The following MSI2 variants were observed in gnomAD, a reference collection of about 807,000 sequenced individuals.
The protein encoded by MSI2 is musashi RNA binding protein 2.
Under a neutral mutation model 45.6 loss-of-function variants are expected in MSI2, and 17 were observed. The ratio of observed to expected loss-of-function variants is 0.37; its 90% CI spans 0.26 to 0.56. The LOEUF is 0.56. Among genes scored for constraint, MSI2 ranks in the 20% least tolerant of loss-of-function variants. MSI2 has a pLI of 0.77. For missense variants in MSI2, 293 were observed against 444.2 expected, an observed-to-expected ratio of 0.66 and a Z score of 3.06; for synonymous variants, 156 against 158.2, an observed-to-expected ratio of 0.99 and a Z score of 0.11.
Position 57,563,065 on chromosome 17 carries a change from G to A in MSI2, c.454+33341G>A, listed in dbSNP as rs187535123. Reference sequence around the variant, plus strand: ...GTGAGCAGAGATCGCACCACTGCACGCCAGCCTGGGTGACAGAGCAAAACT... The same window carrying A: ...GTGAGCAGAGATCGCACCACTGCACACCAGCCTGGGTGACAGAGCAAAACT... On this transcript the variant is annotated intron_variant, in intron 7 of 13. Transcript: ENST00000284073. 1.2e-4 allele frequency among the ~76,000 whole-genome samples: 15 copies of A among 125,784 alleles called. No individual in the cohort carries two copies. In the East Asian group the frequency reaches 1.7e-3, roughly 15 times the overall value. The allele number at this position is 125,784 out of a possible 152,430, so 82.5% of individuals were successfully genotyped here. A position where few individuals can be genotyped will look rare whatever the true frequency, so the allele number is the denominator to read the frequency against.
chr17:57,577,170 C>G (rs78664861), intron 7 of MSI2, among the ~76,000 whole-genome samples: 1 of 152,206 alleles, frequency 6.6e-6, no homozygotes, highest in Non-Finnish European at 1.5e-5. Context: ...GGCCAGGCTG[C>G]TTCCCCAACC....
Position 57,257,142 on chromosome 17 carries a change from AG to A in MSI2, c.103+7del. 2 of 520,768 alleles carry A rather than the reference AG, an allele frequency of 3.8e-6. No homozygotes were observed. Among genetic ancestry groups the A allele is most frequent in the Non-Finnish European group, 7.5e-6 (2 of 265,540 alleles). 32.3% of individuals were successfully genotyped at this position (520,768 alleles called of 1,614,324 possible). On this transcript the variant is annotated splice_donor_5th_base_variant and intron_variant, in intron 2 of 13. Coordinates refer to ENST00000284073, the MANE Select transcript of MSI2 (RefSeq NM_138962.4). ...CTGAGCTGGCAGACCTCACCAGGTA[AG>A]GGAGGGAGGGGGGGACGCCTGGGTC... is the stretch of plus-strand genomic sequence containing the variant.
intron 5 of MSI2, among the ~76,000 whole-genome samples, chr17:57,392,031 G>A (rs1194143746): frequency 2.0e-5 from 3 of 152,222 alleles, no homozygotes; most frequent in Non-Finnish European, 1.5e-5. Flanking sequence ...GAGTGATGGA[G>A]AAACCGCCTG....
chr17:57,545,541 GT>G (rs150208350), intron 7 of MSI2, among the ~76,000 whole-genome samples: 11,518 of 152,220 alleles, frequency 0.076, 1,097 homozygotes, highest in African/African-American at 0.23. Flanking sequence ...CTGTGTGTGT[GT>G]TTTGTCTAGA....
intron 5 of MSI2, among the ~76,000 whole-genome samples, chr17:57,311,715 C>T (rs1015458765): frequency 1.3e-5 from 2 of 152,074 alleles, no homozygotes; most frequent in Non-Finnish European, 2.9e-5. Context: ...CTGCTATGCC[C>T]GGTAATTTTT....
At chr17:57,486,740 T>G (rs950102668) in intron 6 of MSI2, among the ~76,000 whole-genome samples, 6 of 152,128 alleles carry the variant, frequency 3.9e-5, no homozygotes, top group Admixed American at 3.3e-4. Context: ...GGAAGGAGAA[T>G]CAGTTTGAAA....
At chr17:57,687,612 A>C (rs1021650702), downstream of MSI2, among the ~76,000 whole-genome samples, 1 of 152,106 alleles carries the variant, frequency 6.6e-6, no homozygotes, top group Non-Finnish European at 1.5e-5. Flanking sequence ...ATAAAGATAT[A>C]ATACTGAAAA....
At chr17:57,297,221 G>A (rs1373034168) in intron 5 of MSI2, among the ~76,000 whole-genome samples, 1 of 142,618 alleles carries the variant, frequency 7.0e-6, no homozygotes, top group Non-Finnish European at 1.5e-5. Context: ...TTGTAATATT[G>A]CTTTTGGCTT....
intron 10 of MSI2, among the ~76,000 whole-genome samples, chr17:57,638,459 G>A (rs1910000769): frequency 1.3e-5 from 2 of 152,264 alleles, no homozygotes; most frequent in Admixed American, 6.5e-5. Flanking sequence ...GCGGCCAGAT[G>A]TGTTCCTGAG....
intron 6 of MSI2, among the ~76,000 whole-genome samples, chr17:57,472,510 A>AG (rs11394332): frequency 0.78 from 117,997 of 151,940 alleles, 46,270 homozygotes; most frequent in East Asian, 0.91. Context: ...ATGGGAAGGG[A>AG]GGGGGCCAGT....
rs1419340906 is a variant in MSI2 at position 57,622,389 on chromosome 17, G to A, written c.653-4840G>A. Among the ~76,000 whole-genome samples, 5 of 152,180 alleles carry A rather than the reference G, an allele frequency of 3.3e-5. No individual in the cohort carries two copies. In the East Asian group the frequency reaches 9.6e-4, roughly 29 times the overall value. ...TATTTTATTTCTCTGAGCCTTCTCT[G>A]CCACATAATCCCACTGCCTTTAACT... On this transcript the variant is annotated intron_variant, in intron 9 of 13. Coordinates refer to ENST00000284073, the MANE Select transcript of MSI2 (RefSeq NM_138962.4).
chr17:57,583,200 G>A (rs1350357538), intron 7 of MSI2, among the ~76,000 whole-genome samples: 2 of 152,190 alleles, frequency 1.3e-5, no homozygotes, highest in Non-Finnish European at 2.9e-5. Flanking sequence ...GTAAGGGTTG[G>A]TTTTCTTAAA....
At chr17:57,687,565 G>A (rs997530644), downstream of MSI2, among the ~76,000 whole-genome samples, 2 of 151,892 alleles carry the variant, frequency 1.3e-5, no homozygotes, top group African/African-American at 4.8e-5. Context: ...GGAAAACCAG[G>A]ATAAACTTAA....
At chr17:57,545,972 G>T (rs959101440) in intron 7 of MSI2, among the ~76,000 whole-genome samples, 8 of 152,088 alleles carry the variant, frequency 5.3e-5, no homozygotes, top group Non-Finnish European at 8.8e-5. Flanking sequence ...GGAGGGTGAG[G>T]CAGCAGAGGG....
At chr17:57,337,817 AAATG>A (rs1914798307) in intron 5 of MSI2, among the ~76,000 whole-genome samples, 1 of 152,226 alleles carries the variant, frequency 6.6e-6, no homozygotes, top group South Asian at 2.1e-4. Context: ...AAGTGCAAAT[AAATG>A]AATGTTTTGG....
chr17:57,485,907 G>A (rs2085744152), intron 6 of MSI2, among the ~76,000 whole-genome samples: 1 of 152,134 alleles, frequency 6.6e-6, no homozygotes, highest in Non-Finnish European at 1.5e-5. Context: ...CCTGTGTTCT[G>A]AGCCCACTCC....
At chr17:57,610,375 C>G (rs558582449) in intron 8 of MSI2, among the ~76,000 whole-genome samples, 2 of 152,198 alleles carry the variant, frequency 1.3e-5, no homozygotes, top group South Asian at 4.2e-4. Flanking sequence ...TCACTTGAAC[C>G]CGGGAGGCGG....
At chr17:57,297,029 C>A (rs1187610419) in intron 5 of MSI2, among the ~76,000 whole-genome samples, 1 of 152,104 alleles carries the variant, frequency 6.6e-6, no homozygotes, top group Non-Finnish European at 1.5e-5. Flanking sequence ...CCCGCGCCAC[C>A]ACACCTGGCT....
At chr17:57,473,334 G>GT (rs1241860886) in intron 6 of MSI2, among the ~76,000 whole-genome samples, 1 of 152,134 alleles carries the variant, frequency 6.6e-6, no homozygotes, top group Non-Finnish European at 1.5e-5. Flanking sequence ...GTGTGCATAG[G>GT]TCCCCCCACA....
Sources: allele counts gnomAD v4.1 joint callset (sites outside exome capture counted in the v4.1 genomes callset), GRCh38; gene constraint gnomAD v4.1.1; transcripts MANE v1.5; gene names NCBI Gene and HGNC (gene_info 2026-07-23, HGNC 2026-07-21).